ADTRP: variants seen among roughly 807,000 people sequenced by gnomAD.
ADTRP encodes the protein androgen dependent TFPI regulating protein, also known as androgen-dependent TFPI-regulating protein.
In ADTRP, 20 loss-of-function variants were observed where a neutral mutation model predicts 27.0. The observed-to-expected ratio is 0.74, with a 90% CI of 0.52 to 1.08. The LOEUF is 1.08. ADTRP is among the 50% of genes least tolerant of loss of function. The pLI, the probability that ADTRP is intolerant of heterozygous loss-of-function variation, is 0.00. For missense variants in ADTRP, 251 were observed against 275.0 expected (o/e 0.91, Z 0.62); for synonymous variants, 101 against 105.2 (o/e 0.96, Z 0.25).
chr6:11,760,436 G>T (rs1763359757), intron 3 of ADTRP, among the ~76,000 whole-genome samples: 1 of 152,100 alleles, frequency 6.6e-6, no homozygotes, highest in Non-Finnish European at 1.5e-5. Flanking sequence ...AGACGACACT[G>T]CACTGGGTTT....
intron 5 of ADTRP, among the ~76,000 whole-genome samples, chr6:11,718,944 T>C (rs1761921172): frequency 1.3e-5 from 2 of 152,260 alleles, no homozygotes; most frequent in South Asian, 4.1e-4. Flanking sequence ...GACCTCATCA[T>C]ACACTTTCCA....
Position 11,713,565 on chromosome 6 carries a change from A to G in ADTRP, c.*913T>C, listed in dbSNP as rs1198781796. 1 of 152,258 alleles carries G rather than the reference A, an allele frequency of 6.6e-6. No individual in the cohort carries two copies. The highest frequency in any genetic ancestry group is 1.5e-5 in the Non-Finnish European group (1 of 68,050). 9.4% of individuals were successfully genotyped at this position (152,258 alleles called of 1,614,324 possible). A position where few individuals can be genotyped will look rare whatever the true frequency, so the allele number is the denominator to read the frequency against. ...AATCCTTGTTAAGCATCTGGAAATCAGCTTTGTTAAACCACACACTAATTC... is the reference window on the plus strand; with the variant it reads ...AATCCTTGTTAAGCATCTGGAAATCGGCTTTGTTAAACCACACACTAATTC... On this transcript the variant is annotated 3_prime_UTR_variant, in exon 6 of 6. Coordinates refer to ENST00000414691, the MANE Select transcript of ADTRP (RefSeq NM_032744.4).
intron 1 of ADTRP, among the ~76,000 whole-genome samples, chr6:11,774,311 A>AAAATAAATAAAT (rs140361069): frequency 0.32 from 45,819 of 144,460 alleles, 8,619 homozygotes; most frequent in East Asian, 0.62. Flanking sequence ...TTCCATCTCA[A>AAAATAAATAAAT]AAATAAATAA....
At chr6:11,756,129 C>T (rs1763206212) in intron 3 of ADTRP, among the ~76,000 whole-genome samples, 1 of 152,146 alleles carries the variant, frequency 6.6e-6, no homozygotes, top group Non-Finnish European at 1.5e-5. Flanking sequence ...GTAATCCCAA[C>T]ACTTTGTTAG....
chr6:11,755,628 C>T (rs921858830), intron 3 of ADTRP, among the ~76,000 whole-genome samples: 1 of 152,206 alleles, frequency 6.6e-6, no homozygotes, highest in African/African-American at 2.4e-5. Context: ...CTTCTGATTT[C>T]ACTGTGGCAT....
At position 11,766,292 on chromosome 6, in the gene ADTRP, C is replaced by T; in HGVS notation, c.372G>A (p.Val124=). The part of the protein sequence containing the change: ...YPKVLDTVIP[V]WLNHAMHTFI... Reference sequence around the variant, plus strand: ...CACTCACCATTGCATGATTCAGCCACACGGGGATGACAGTATCTAGGACCT... The same window carrying T: ...CACTCACCATTGCATGATTCAGCCATACGGGGATGACAGTATCTAGGACCT... Residue 124 remains valine, a synonymous_variant, in exon 3 of 6, where the codon GTG becomes GTA. Transcript: ENST00000414691. 6.2e-7 allele frequency: 1 copy of T among 1,611,954 alleles called. No homozygotes were observed. Among genetic ancestry groups the T allele is most frequent in the Non-Finnish European group, 8.5e-7 (1 of 1,178,846 alleles).
At chr6:11,729,293 C>T (rs1459106008) in intron 4 of ADTRP, among the ~76,000 whole-genome samples, 1 of 152,066 alleles carries the variant, frequency 6.6e-6, no homozygotes, top group Non-Finnish European at 1.5e-5. Context: ...AAATAGTTTA[C>T]CTAGATGTTG....
chr6:11,760,946 C>T (rs1763373960), intron 3 of ADTRP, among the ~76,000 whole-genome samples: 1 of 152,150 alleles, frequency 6.6e-6, no homozygotes, highest in African/African-American at 2.4e-5. Context: ...CTATCATACT[C>T]AGAATAAAAT....
Position 11,769,049 on chromosome 6 carries a change from C to T in ADTRP, c.154-666G>A, listed in dbSNP as rs78788393. ...GTGGGTTACTAAGTGCTGTGTGGCC[C>T]CCAAAGCCAGGAGAAAGAGAAGGAG... On this transcript the variant is annotated intron_variant, in intron 1 of 5. Transcript: ENST00000414691. 3.1e-3 allele frequency among the ~76,000 whole-genome samples: 465 copies of T among 151,812 alleles called. 8 individuals carry two copies. In the South Asian group the frequency reaches 0.057, roughly 19 times the overall value.
At chr6:11,751,610 G>T (rs1763058621) in intron 3 of ADTRP, among the ~76,000 whole-genome samples, 1 of 152,006 alleles carries the variant, frequency 6.6e-6, no homozygotes, top group African/African-American at 2.4e-5. Context: ...AGCTCATTTT[G>T]GGGGATTTTT....
At chr6:11,750,905 G>T (rs1763025046) in intron 3 of ADTRP, among the ~76,000 whole-genome samples, 3 of 152,212 alleles carry the variant, frequency 2.0e-5, no homozygotes, top group Non-Finnish European at 4.4e-5. Flanking sequence ...AGGCCGGATT[G>T]CAACGGCACA....
chr6:11,714,916 A>C (rs1581297772), intron 5 of ADTRP, among the ~76,000 whole-genome samples: 1 of 152,200 alleles, frequency 6.6e-6, no homozygotes, highest in African/African-American at 2.4e-5. Context: ...GTGGATGTTC[A>C]ACTAATTGGG....
chr6:11,739,074 GAAAA>G (rs1338416993), intron 3 of ADTRP, among the ~76,000 whole-genome samples: 1 of 151,530 alleles, frequency 6.6e-6, no homozygotes, highest in Non-Finnish European at 1.5e-5. Context: ...TTCAGTAAGA[GAAAA>G]ATAAAATATG....
At chr6:11,718,076 T>C (rs778514200) in intron 5 of ADTRP, among the ~76,000 whole-genome samples, 2 of 152,258 alleles carry the variant, frequency 1.3e-5, no homozygotes, top group Admixed American at 6.5e-5. Flanking sequence ...ACCTGGTTTA[T>C]GGCAAATAAT....
Position 11,752,332 on chromosome 6 carries a change from A to G in ADTRP, c.390+13942T>C, listed in dbSNP as rs543550473. Reference sequence around the variant, plus strand: ...ATGGCCAGAAACGAAATCACTCAGGACTTTTTTCCTTTGAATGAATAACTT... The same window carrying G: ...ATGGCCAGAAACGAAATCACTCAGGGCTTTTTTCCTTTGAATGAATAACTT... On this transcript the variant is annotated intron_variant, in intron 3 of 5. Transcript: ENST00000414691. 2.0e-3 allele frequency among the ~76,000 whole-genome samples: 306 copies of G among 152,108 alleles called. 1 individual carries two copies. Among genetic ancestry groups the G allele is most frequent in the Middle Eastern group, 3.4e-3 (1 of 294 alleles).
chr6:11,766,178 G>A (rs1763564704), intron 3 of ADTRP, 96 bp downstream of exon 3: 1 of 889,128 alleles, frequency 1.1e-6, no homozygotes. Context: ...TGGATGCTGG[G>A]AATTGAGACA....
chr6:11,756,128 A>G lies in ADTRP; in HGVS notation c.390+10146T>C, dbSNP rs146406885. Among the ~76,000 whole-genome samples the G allele has an allele frequency of 2.4e-3, 361 of 152,268 alleles. 4 individuals are homozygous for G. Among genetic ancestry groups the G allele is most frequent in the African/African-American group, 8.3e-3 (344 of 41,550 alleles). The stretch of plus-strand genomic sequence containing the variant: ...CTAGTGGCTCACATCTGTAATCCCA[A>G]CACTTTGTTAGGCTGAGGCAGGTGG... On this transcript the variant is annotated intron_variant, in intron 3 of 5. Coordinates refer to ENST00000414691, the MANE Select transcript of ADTRP (RefSeq NM_032744.4).
At chr6:11,718,623 T>C (rs1054194582) in intron 5 of ADTRP, among the ~76,000 whole-genome samples, 2 of 152,146 alleles carry the variant, frequency 1.3e-5, no homozygotes, top group African/African-American at 4.8e-5. Context: ...GCTTCCCCCA[T>C]CTGCTTCTAT....
chr6:11,749,476 A>G (rs1017241229), intron 3 of ADTRP, among the ~76,000 whole-genome samples: 11 of 152,116 alleles, frequency 7.2e-5, no homozygotes, highest in African/African-American at 2.7e-4. Flanking sequence ...GAAAGAACAA[A>G]AGCCATGGGA....
Sources: allele counts gnomAD v4.1 joint callset (sites outside exome capture counted in the v4.1 genomes callset), GRCh38; gene constraint gnomAD v4.1.1; transcripts MANE v1.5; gene names NCBI Gene and HGNC (gene_info 2026-07-23, HGNC 2026-07-21).